Variants in UROS observed in about 807,000 individuals in gnomAD.
UROS encodes uroporphyrinogen III synthase.
In UROS, 18 loss-of-function variants were observed where a neutral mutation model predicts 33.0. The ratio of observed to expected loss-of-function variants is 0.55; its 90% confidence interval spans 0.38 to 0.81. The LOEUF (loss-of-function observed/expected upper bound fraction) is 0.81, where lower values mean the gene tolerates loss of function less well. Among genes scored for constraint, UROS ranks in the 30% least tolerant of loss-of-function variants. UROS has a pLI of 0.00. For missense variants in UROS, 293 were observed against 314.9 expected (o/e 0.93, Z 0.53); for synonymous variants, 114 against 121.1 (o/e 0.94, Z 0.38).
At chr10:125,816,109 C>A (rs1853295876) in intron 3 of UROS, 68 bp downstream of exon 3, 3 of 1,439,732 alleles carry the variant, frequency 2.1e-6, no homozygotes, top group Middle Eastern at 1.7e-4. Context: ...AAAATAGTCC[C>A]TCTCTGGCTT....
At chr10:125,791,786 A>C (rs1850952521) in intron 9 of UROS, 1 of 152,176 alleles carries the variant, frequency 6.6e-6, no homozygotes, top group Non-Finnish European at 1.5e-5. Context: ...GAGATGAAAA[A>C]CAGTTGAGTG....
rs551369924 is a variant in UROS, at chr10:125,814,414, T to C, written c.244+620A>G. ...ATCCTGGCCTCAGTTTTCTCAATGG[T>C]AACATAAGACATAAGATCATAGCAA... On this transcript the variant is annotated intron_variant, in intron 4 of 9. Transcript: ENST00000368797. Among the ~76,000 whole-genome samples the C allele has an allele frequency of 2.0e-5, 3 of 152,340 alleles. No individual in the cohort carries two copies. The East Asian group carries it at 5.8e-4, about 29-fold the overall frequency.
intron 6 of UROS, among the ~76,000 whole-genome samples, chr10:125,804,258 G>GA (rs775943851): frequency 8.0e-4 from 122 of 152,242 alleles, no homozygotes; most frequent in Middle Eastern, 3.4e-3. Flanking sequence ...CTACATAATG[G>GA]AACCTCCATA....
intron 1 of UROS, among the ~76,000 whole-genome samples, chr10:125,822,091 C>A (rs1330884764): frequency 6.6e-6 from 1 of 152,100 alleles, no homozygotes; most frequent in East Asian, 1.9e-4. Context: ...CATATCCAAC[C>A]CACCCCCCTC....
chr10:125,790,330 G>C (rs1723177668), intron 9 of UROS, among the ~76,000 whole-genome samples: 1 of 152,088 alleles, frequency 6.6e-6, no homozygotes, highest in African/African-American at 2.4e-5. Flanking sequence ...CTCGTAGAAG[G>C]AAACATAGGA....
intron 5 of UROS, among the ~76,000 whole-genome samples, chr10:125,807,749 A>G (rs1413915566): frequency 6.6e-6 from 1 of 152,150 alleles, no homozygotes; most frequent in Non-Finnish European, 1.5e-5. Flanking sequence ...GCTCATCTAC[A>G]AGAGGGGGAA....
At position 125,816,268 on chromosome 10, in the gene UROS, G is replaced by C. The variant is rs1161443510; in HGVS notation, c.64-8C>G. 1 of 1,613,136 alleles carries C rather than the reference G, an allele frequency of 6.2e-7. No individual in the cohort carries two copies. The highest frequency in any genetic ancestry group is 8.5e-7 in the Non-Finnish European group (1 of 1,179,226). ...TCCATATAATCCTAATTCCTGAAAT[G>C]AAAGAATATAGTTCTGGATTGGCTA... On this transcript the variant is annotated splice_polypyrimidine_tract_variant and splice_region_variant and intron_variant, in intron 2 of 9. Coordinates refer to ENST00000368797, the MANE Select transcript of UROS (RefSeq NM_000375.3).
chr10:125,802,870 TG>T, intron 6 of UROS: 3 of 1,551,686 alleles, frequency 1.9e-6, no homozygotes, highest in Non-Finnish European at 2.6e-6. Context: ...CCCTTTCCCT[TG>T]GGGCTCAGGC....
chr10:125,818,209 C>G (rs1348196986), intron 1 of UROS, among the ~76,000 whole-genome samples: 3 of 152,114 alleles, frequency 2.0e-5, no homozygotes, highest in African/African-American at 7.2e-5. Context: ...TAGGCCAGGA[C>G]AGTGGTTCAT....
rs766540245 is a variant in UROS, at chr10:125,816,447, G to A, written c.53C>T (p.Pro18Leu). 2.6e-5 allele frequency: 42 copies of A among 1,613,978 alleles called. No individual in the cohort carries two copies. In the East Asian group the frequency reaches 7.1e-4, roughly 27 times the overall value. The change falls in exon 2 of 10, where the codon CCG (proline) becomes CTG (leucine). Residue 18 changes from proline to leucine, a missense_variant. By Grantham distance (98) the Pro-to-Leu change is moderately conservative. Coordinates refer to ENST00000368797, the MANE Select transcript of UROS (RefSeq NM_000375.3). ...DAKEDDCGQD[P>L]YIRELGLYGL... The stretch of plus-strand genomic sequence containing the variant: ...TCTCAGGCCACTTACCCTGATATAC[G>A]GATCCTGGCCACAGTCATCTTCCTT...
rs1460260444 is a variant in UROS, at chr10:125,788,996, T to C, written c.670A>G (p.Ile224Val). ...AGCGCGCGAGCCGTAGTGGGGCCGATGGCTGCAAACTATAAAGACAGAAGA... is the reference window on the plus strand; with the variant it reads ...AGCGCGCGAGCCGTAGTGGGGCCGACGGCTGCAAACTATAAAGACAGAAGA... ...DNIDQIKFAAIGPTTARALAA... is the reference protein window; with the variant it reads ...DNIDQIKFAAVGPTTARALAA... The change falls in exon 10 of 10, where the codon ATC (isoleucine) becomes GTC (valine). Residue 224 changes from isoleucine (I) to valine (V), a missense_variant. Physicochemically the swap from Ile to Val is conservative, Grantham distance 29 (BLOSUM62 3). Coordinates refer to ENST00000368797, the MANE Select transcript of UROS (RefSeq NM_000375.3). 8.1e-6 allele frequency: 13 copies of C among 1,612,810 alleles called. No individual in the cohort carries two copies. In the Admixed American group the frequency reaches 8.3e-5, roughly 10 times the overall value.
chr10:125,789,242 G>C (rs1850751183), intron 9 of UROS: 32 of 1,429,954 alleles, frequency 2.2e-5, no homozygotes, highest in Non-Finnish European at 2.8e-5. Flanking sequence ...GCCAGGCTCA[G>C]GTGAGGGGCA....
intron 7 of UROS, 115 bp from the exon 8 acceptor site, chr10:125,796,303 G>A (rs1055273427): frequency 1.5e-5 from 16 of 1,043,264 alleles, no homozygotes; most frequent in Middle Eastern, 2.0e-4. Context: ...CTCCTGGAAC[G>A]AGCTGCTTGG....
chr10:125,786,984 C>T (rs1237852835), downstream of UROS, among the ~76,000 whole-genome samples: 8 of 152,224 alleles, frequency 5.3e-5, no homozygotes, highest in Admixed American at 1.3e-4. Flanking sequence ...GAGGACACTG[C>T]GCCTGCTGCT....
At position 125,816,491 on chromosome 10, in the gene UROS, AACCTTCATTAT is replaced by A; in HGVS notation, c.-3_8del. 1.2e-6 allele frequency: 2 copies of A among 1,614,216 alleles called. No homozygotes were observed. Among genetic ancestry groups the A allele is most frequent in the Non-Finnish European group, 1.7e-6 (2 of 1,180,024 alleles). On this transcript the variant is annotated start_lost and 5_prime_UTR_variant, in exon 2 of 10. Transcript: ENST00000368797. ...CTTCCTTCGCATCCTTCAGTAAAAG[AACCTTCATTAT>A]TGCCTGGCAGTCCTTATAGGGCACT...
At chr10:125,818,219 T>C (rs959316975) in intron 1 of UROS, among the ~76,000 whole-genome samples, 1 of 152,216 alleles carries the variant, frequency 6.6e-6, no homozygotes, top group Admixed American at 6.5e-5. Flanking sequence ...CAGTGGTTCA[T>C]GCCTGGTAAT....
At position 125,788,957 on chromosome 10, in the gene UROS, G is replaced by A. The variant is rs1237219473; in HGVS notation, c.709C>T (p.Leu237Phe). Reference protein sequence around the residue: ...TTARALAAQGLPVSCTAESPT... With the variant: ...TTARALAAQGFPVSCTAESPT... ...CTCTCTGCAGTGCAGCTTACAGGAAGGCCCTGGGCGGCCAGCGCGCGAGCC... is the reference window on the plus strand; with the variant it reads ...CTCTCTGCAGTGCAGCTTACAGGAAAGCCCTGGGCGGCCAGCGCGCGAGCC... Residue 237 changes from leucine to phenylalanine, a missense_variant, in exon 10 of 10, where the codon CTT becomes TTT. Leu to Phe is a conservative substitution (Grantham distance 22). Transcript: ENST00000368797. The A allele has an allele frequency of 6.2e-6, 10 of 1,611,576 alleles. No homozygotes were observed. Among genetic ancestry groups the A allele is most frequent in the Middle Eastern group, 1.6e-4 (1 of 6,072 alleles).
chr10:125,786,519 C>G (rs1850637323), downstream of UROS, among the ~76,000 whole-genome samples: 1 of 152,130 alleles, frequency 6.6e-6, no homozygotes, highest in African/African-American at 2.4e-5. Flanking sequence ...CCGCCTCAGC[C>G]TCCCACAGTG....
chr10:125,805,664 T>C (rs1156566743), intron 6 of UROS, among the ~76,000 whole-genome samples: 1 of 152,206 alleles, frequency 6.6e-6, no homozygotes, highest in Non-Finnish European at 1.5e-5. Flanking sequence ...AATTTACATT[T>C]ACATTTAAAT....
Sources: allele counts gnomAD v4.1 joint callset (sites outside exome capture counted in the v4.1 genomes callset), GRCh38; gene constraint gnomAD v4.1.1; transcripts MANE v1.5; gene names NCBI Gene and HGNC (gene_info 2026-07-23, HGNC 2026-07-21).